ALDH1B1: variants seen among roughly 807,000 people sequenced by gnomAD.
The protein encoded by ALDH1B1 is aldehyde dehydrogenase 1 family member B1, also known as aldehyde dehydrogenase family 1 member B1, mitochondrial.
A neutral mutation model predicts 26.2 loss-of-function variants in ALDH1B1; 19 were observed. That is an observed-to-expected ratio of 0.72 (90% confidence interval 0.51 to 1.06). The LOEUF (loss-of-function observed/expected upper bound fraction) is 1.06, where lower values mean the gene tolerates loss of function less well. Ranked by LOEUF, ALDH1B1 falls within the 50% of genes least tolerant of loss-of-function variation. ALDH1B1 has a pLI of 0.00. For missense variants in ALDH1B1, 671 were observed against 683.1 expected, an observed-to-expected ratio of 0.98 and a Z score of 0.20; for synonymous variants, 249 against 286.0, an observed-to-expected ratio of 0.87 and a Z score of 1.31.
chr9:38,392,963 C>G (rs1444025352), intron 1 of ALDH1B1, among the ~76,000 whole-genome samples, 156 bp downstream of exon 1: 2 of 152,206 alleles, frequency 1.3e-5, no homozygotes. Flanking sequence ...AATCCCATCC[C>G]CCGCCTCTGG....
In ALDH1B1 at chr9:38,395,980, C is replaced by T. The variant is rs779815885; in HGVS notation, c.232C>T (p.Arg78Trp). Reference sequence around the variant, plus strand: ...TGAAGGTGACCGGGCTGATGTGGATCGGGCCGTGAAAGCAGCCCGGGAAGC... The same window carrying T: ...TGAAGGTGACCGGGCTGATGTGGATTGGGCCGTGAAAGCAGCCCGGGAAGC... ...VAEGDRADVDRAVKAAREAFR... is the reference protein window; with the variant it reads ...VAEGDRADVDWAVKAAREAFR... Residue 78 changes from arginine to tryptophan, a missense_variant, in exon 2 of 2, where the codon CGG becomes TGG. Transcript: ENST00000377698. 1.4e-5 allele frequency: 23 copies of T among 1,613,562 alleles called. No individual in the cohort carries two copies. Among genetic ancestry groups the T allele is most frequent in the African/African-American group, 8.0e-5 (6 of 74,946 alleles).
rs1821303825 is a variant in ALDH1B1, at chr9:38,396,885, G to A, written c.1137G>A (p.Lys379=). The change falls in exon 2 of 2, where the codon AAG becomes AAA. Residue 379 remains lysine (K), a synonymous_variant. Transcript: ENST00000377698. ...TAGGCTACATCCAGCTTGGCCAGAA[G>A]GAGGGCGCAAAACTCCTCTGTGGCG... ...RVLGYIQLGQ[K]EGAKLLCGGE... 1.2e-6 allele frequency: 2 copies of A among 1,614,114 alleles called. No individual in the cohort carries two copies. The highest frequency in any genetic ancestry group is 1.7e-6 in the Non-Finnish European group (2 of 1,180,050).
rs753575726 is a variant in ALDH1B1, at chr9:38,395,898, C to A, written c.150C>A (p.Ser50Arg). The change falls in exon 2 of 2, where the codon AGC becomes AGA. Residue 50 changes from serine to arginine, a missense_variant. Transcript: ENST00000377698. ...FINNEWQDAV[S>R]KKTFPTVNPT... ...ACAATGAATGGCAAGATGCAGTCAG[C>A]AAGAAGACCTTCCCGACGGTCAACC... The A allele has an allele frequency of 1.7e-5, 28 of 1,613,748 alleles. No individual in the cohort carries two copies. Among genetic ancestry groups the A allele is most frequent in the African/African-American group, 2.7e-5 (2 of 74,944 alleles).
rs765327720 is a variant in ALDH1B1 at position 38,395,847 on chromosome 9, C to A, written c.99C>A (p.Asp33Glu). The A allele has an allele frequency of 6.2e-7, 1 of 1,613,444 alleles. No homozygotes were observed. The highest frequency in any genetic ancestry group is 1.1e-5 in the South Asian group (1 of 91,086). ...TCCCAAGCCCCATTCTGAACCCAGA[C>A]ATCCCCTACAACCAGCTGTTCATCA... ...AALPSPILNP[D>E]IPYNQLFINN... Residue 33 changes from aspartate to glutamate, a missense_variant, in exon 2 of 2, where the codon GAC becomes GAA. Coordinates refer to ENST00000377698, the MANE Select transcript of ALDH1B1 (RefSeq NM_000692.5).
In ALDH1B1 at chr9:38,396,446, G is replaced by C; in HGVS notation, c.698G>C (p.Gly233Ala). The C allele has an allele frequency of 6.2e-7, 1 of 1,614,124 alleles. No individual in the cohort carries two copies. Among genetic ancestry groups the C allele is most frequent in the Non-Finnish European group, 8.5e-7 (1 of 1,180,014 alleles). ...ATCAAGGAGGCAGGCTTTCCCCCTG[G>C]GGTGGTGAACATCATCACGGGGTAT... ...SLIKEAGFPP[G>A]VVNIITGYGP... Residue 233 changes from glycine (G) to alanine (A), a missense_variant, in exon 2 of 2, where the codon GGG becomes GCG. Transcript: ENST00000377698.
At chr9:38,394,991 G>T (rs1292564169) in intron 1 of ALDH1B1, among the ~76,000 whole-genome samples, 1 of 152,096 alleles carries the variant, frequency 6.6e-6, no homozygotes, top group Non-Finnish European at 1.5e-5. Flanking sequence ...GGGGATGCTG[G>T]GCTAGGTCAA....
intron 1 of ALDH1B1, among the ~76,000 whole-genome samples, chr9:38,394,050 C>CGACCT (rs920032632): frequency 6.6e-6 from 1 of 152,092 alleles, no homozygotes; most frequent in Non-Finnish European, 1.5e-5. Flanking sequence ...TTAGATTGTA[C>CGACCT]GACCTGACCC....
In ALDH1B1 at chr9:38,396,997, A is replaced by G. The variant is rs758952570; in HGVS notation, c.1249A>G (p.Ile417Val). The part of the protein sequence containing the change: ...QDDMRIAKEE[I>V]FGPVQPLFKF... ...TGACATGAGAATTGCCAAAGAGGAGATCTTTGGGCCTGTGCAGCCCCTGTT... is the reference window on the plus strand; with the variant it reads ...TGACATGAGAATTGCCAAAGAGGAGGTCTTTGGGCCTGTGCAGCCCCTGTT... The change falls in exon 2 of 2, where the codon ATC (isoleucine) becomes GTC (valine). Residue 417 changes from isoleucine (I) to valine (V), a missense_variant. Coordinates refer to ENST00000377698, the MANE Select transcript of ALDH1B1 (RefSeq NM_000692.5). 8 of 1,613,900 alleles carry G rather than the reference A, an allele frequency of 5.0e-6. No individual in the cohort carries two copies. The African/African-American group carries it at 5.3e-5, about 11-fold the overall frequency.
At chr9:38,394,641 T>C in intron 1 of ALDH1B1, 1 of 985,304 alleles carries the variant, frequency 1.0e-6, no homozygotes, top group Non-Finnish European at 1.2e-6. Context: ...CTGATTGAGT[T>C]TTTTGTTCCT....
chr9:38,396,135 G>T lies in ALDH1B1; in HGVS notation c.387G>T (p.Lys129Asn). ...CACTCGAGACCTTGGACAATGGGAA[G>T]CCTTTCCAAGAGTCTTACGCCTTGG... is the stretch of plus-strand genomic sequence containing the variant. ...LASLETLDNG[K>N]PFQESYALDL... The change falls in exon 2 of 2, where the codon AAG becomes AAT. Residue 129 changes from lysine to asparagine, a missense_variant. Coordinates refer to ENST00000377698, the MANE Select transcript of ALDH1B1 (RefSeq NM_000692.5). 1 of 1,614,236 alleles carries T rather than the reference G, an allele frequency of 6.2e-7. No individual in the cohort carries two copies. Among genetic ancestry groups the T allele is most frequent in the South Asian group, 1.1e-5 (1 of 91,088 alleles).
At chr9:38,394,250 C>A (rs530222647) in intron 1 of ALDH1B1, among the ~76,000 whole-genome samples, 1 of 152,274 alleles carries the variant, frequency 6.6e-6, no homozygotes, top group Admixed American at 6.5e-5. Context: ...TTATTCCTAA[C>A]ACCCGCAAGG....
intron 1 of ALDH1B1, among the ~76,000 whole-genome samples, chr9:38,393,755 G>A (rs1432024589): frequency 6.6e-6 from 1 of 152,068 alleles, no homozygotes; most frequent in African/African-American, 2.4e-5. Context: ...TCCCCCTGTG[G>A]GATATGATGA....
chr9:38,393,358 G>C (rs555212082), intron 1 of ALDH1B1, among the ~76,000 whole-genome samples: 2 of 152,290 alleles, frequency 1.3e-5, no homozygotes, highest in South Asian at 4.2e-4. Context: ...CATCAACCCT[G>C]ACCACCCAGG....
In ALDH1B1 at chr9:38,397,857, A is replaced by G. The variant is rs1821322552; in HGVS notation, c.*555A>G. The G allele has an allele frequency of 6.0e-6, 1 of 167,960 alleles. No individual in the cohort carries two copies. Among genetic ancestry groups the G allele is most frequent in the South Asian group, 2.1e-4 (1 of 4,848 alleles). 10.4% of individuals were successfully genotyped at this position (167,960 alleles called of 1,614,324 possible). On this transcript the variant is annotated 3_prime_UTR_variant, in exon 2 of 2. Transcript: ENST00000377698. Reference sequence around the variant, plus strand: ...TTTTCCTTAATTTGTGGGAAGGAGTAGGCAAAGAATATGCTTACATGATTA... The same window carrying G: ...TTTTCCTTAATTTGTGGGAAGGAGTGGGCAAAGAATATGCTTACATGATTA...
chr9:38,394,880 C>T (rs1004320698), intron 1 of ALDH1B1, among the ~76,000 whole-genome samples: 3 of 152,248 alleles, frequency 2.0e-5, no homozygotes, highest in East Asian at 3.9e-4. Context: ...GTTGTTTTAA[C>T]GAAGTCTACA....
rs1821331528 is a variant in ALDH1B1, at chr9:38,398,424, C to T, written c.*1122C>T. ...CCGCCTCCCAGATTCAAGCGATTCT[C>T]CTGTCTCAGCCTCCTGAGTAGCTGG... On this transcript the variant is annotated 3_prime_UTR_variant, in exon 2 of 2. Transcript: ENST00000377698. The T allele has an allele frequency of 2.6e-5, 4 of 152,080 alleles. No individual in the cohort carries two copies. The Admixed American group carries it at 2.7e-4, about 10-fold the overall frequency. The allele number at this position is 152,080 out of a possible 1,614,324, so 9.4% of individuals were successfully genotyped here. A position where few individuals can be genotyped will look rare whatever the true frequency, so the allele number is the denominator to read the frequency against.
chr9:38,395,629 G>C, intron 1 of ALDH1B1, 111 bp from the exon 2 acceptor site: 1 of 1,414,142 alleles, frequency 7.1e-7, no homozygotes, highest in South Asian at 1.5e-5. Flanking sequence ...TGTTTTTAGA[G>C]GTGACAGTCC....
In ALDH1B1 at chr9:38,396,575, A is replaced by C. The variant is rs777055976; in HGVS notation, c.827A>C (p.Asp276Ala). The C allele has an allele frequency of 6.2e-7, 1 of 1,613,944 alleles. No individual in the cohort carries two copies. The highest frequency in any genetic ancestry group is 8.5e-7 in the Non-Finnish European group (1 of 1,180,006). Residue 276 changes from aspartate (D) to alanine (A), a missense_variant, in exon 2 of 2, where the codon GAT (aspartate) becomes GCT (alanine). Asp to Ala is a moderately radical substitution (Grantham distance 126). Transcript: ENST00000377698. ...VGHLIQKAAG[D>A]SNLKRVTLEL... The stretch of plus-strand genomic sequence containing the variant: ...CACCTGATCCAGAAAGCAGCTGGCG[A>C]TTCCAACCTCAAGAGAGTCACCCTG...
rs903500285 is a variant in ALDH1B1 at position 38,397,050 on chromosome 9, T to G, written c.1302T>G (p.Val434=). 1.9e-6 allele frequency: 3 copies of G among 1,613,930 alleles called. No homozygotes were observed. The highest frequency in any genetic ancestry group is 2.2e-5 in the South Asian group (2 of 91,076). ...AGTTCAAGAAGATTGAGGAGGTGGT[T>G]GAGAGGGCCAACAACACCAGGTATG... ...LFKFKKIEEV[V]ERANNTRYGL... Residue 434 remains valine (V), a synonymous_variant, in exon 2 of 2, where the codon GTT becomes GTG. Transcript: ENST00000377698.
Sources: gnomAD v4.1 joint callset for allele counts (sites outside exome capture counted in the v4.1 genomes callset) on GRCh38, gnomAD v4.1.1 for gene constraint, MANE v1.5 for transcripts, NCBI Gene and HGNC (gene_info 2026-07-23, HGNC 2026-07-21) for gene names.